Variants in TOMM70 observed in about 807,000 individuals in gnomAD.
TOMM70 encodes mitochondrial import receptor subunit TOM70.
TOMM70 carries 13 observed loss-of-function variants against 73.6 expected under a neutral mutation model. The ratio of observed to expected loss-of-function variants is 0.18; its 90% confidence interval spans 0.11 to 0.28. The LOEUF (loss-of-function observed/expected upper bound fraction) is 0.28. Among genes scored for constraint, TOMM70 ranks in the 10% least tolerant of loss-of-function variants. TOMM70 has a pLI of 1.00. For missense variants in TOMM70, 609 were observed against 747.5 expected (o/e 0.81, Z 2.16); for synonymous variants, 257 against 271.2 (o/e 0.95, Z 0.51).
chr3:100,372,475 G>T, intron 9 of TOMM70, 131 bp downstream of exon 9: 1 of 685,450 alleles, frequency 1.5e-6, no homozygotes, highest in Non-Finnish European at 2.5e-6. Context: ...CAGGGGCCAT[G>T]AGAATCAATC....
At chr3:100,368,912 GA>G (rs1483263281) in intron 10 of TOMM70, 125 bp downstream of exon 10, 1 of 651,454 alleles carries the variant, frequency 1.5e-6, no homozygotes, top group East Asian at 2.7e-5. Context: ...AGACATCTAG[GA>G]GCATTAAGAA....
chr3:100,396,313 G>C (rs1706825199), intron 1 of TOMM70, among the ~76,000 whole-genome samples: 1 of 152,050 alleles, frequency 6.6e-6, no homozygotes, highest in Non-Finnish European at 1.5e-5. Context: ...ACTGTAGTAG[G>C]CTGGCTTAGA....
At chr3:100,383,691 C>G (rs1017984599) in intron 4 of TOMM70, among the ~76,000 whole-genome samples, 6 of 152,216 alleles carry the variant, frequency 3.9e-5, no homozygotes, top group Non-Finnish European at 8.8e-5. Context: ...ATTAAAAATA[C>G]AGATTACTAA....
intron 11 of TOMM70, among the ~76,000 whole-genome samples, chr3:100,366,256 G>C (rs1360565710): frequency 6.6e-6 from 1 of 152,170 alleles, no homozygotes; most frequent in African/African-American, 2.4e-5. Flanking sequence ...GGCAGTCTAT[G>C]TGAGTTCCTC....
chr3:100,366,922 A>G (rs1706452802), intron 11 of TOMM70, among the ~76,000 whole-genome samples: 1 of 152,252 alleles, frequency 6.6e-6, no homozygotes, highest in African/African-American at 2.4e-5. Context: ...CAAATTAGCA[A>G]TTAAGAAATA....
intron 1 of TOMM70, among the ~76,000 whole-genome samples, chr3:100,390,511 T>C (rs987305003): frequency 6.6e-6 from 1 of 152,176 alleles, no homozygotes; most frequent in Non-Finnish European, 1.5e-5. Context: ...AAACCTACTA[T>C]GCTGTTAGAT....
intron 9 of TOMM70, among the ~76,000 whole-genome samples, chr3:100,369,990 G>A (rs539224845): frequency 1.3e-5 from 2 of 151,882 alleles, no homozygotes; most frequent in East Asian, 1.9e-4. Context: ...AGTTAACCCC[G>A]GTTATTTATA....
chr3:100,373,967 C>G (rs1488127319), intron 7 of TOMM70, among the ~76,000 whole-genome samples: 1 of 152,168 alleles, frequency 6.6e-6, no homozygotes, highest in East Asian at 1.9e-4. Flanking sequence ...GGTTAGACAT[C>G]AGATAATTAC....
At chr3:100,377,961 A>T (rs771216467) in intron 5 of TOMM70, 49 bp from the exon 6 acceptor site, 3 of 1,547,840 alleles carry the variant, frequency 1.9e-6, no homozygotes, top group Admixed American at 1.7e-5. Context: ...AAAAAATTAA[A>T]TGTGGCTGGG....
intron 1 of TOMM70, among the ~76,000 whole-genome samples, chr3:100,392,716 C>G (rs1706776809): frequency 1.3e-5 from 2 of 151,998 alleles, no homozygotes; most frequent in Non-Finnish European, 2.9e-5. Flanking sequence ...CTGTGCCCAG[C>G]CTGGAGATTT....
At chr3:100,376,247 G>A (rs1184329899) in intron 6 of TOMM70, among the ~76,000 whole-genome samples, 1 of 151,726 alleles carries the variant, frequency 6.6e-6, no homozygotes, top group Non-Finnish European at 1.5e-5. Context: ...TCTTTTTATT[G>A]TTGAGCTCTA....
At chr3:100,388,218 T>C (rs1706716063) in intron 1 of TOMM70, among the ~76,000 whole-genome samples, 1 of 152,200 alleles carries the variant, frequency 6.6e-6, no homozygotes, top group Admixed American at 6.5e-5. Flanking sequence ...GCTACAGGAC[T>C]GACAGAGAAA....
chr3:100,394,891 G>A (rs1329702940), intron 1 of TOMM70, among the ~76,000 whole-genome samples: 1 of 152,054 alleles, frequency 6.6e-6, no homozygotes, highest in Non-Finnish European at 1.5e-5. Flanking sequence ...TAAAACCTAA[G>A]ATAATAAAAA....
intron 7 of TOMM70, 198 bp from the exon 8 acceptor site, chr3:100,373,843 C>T (rs1390684520): frequency 2.3e-6 from 1 of 435,710 alleles, no homozygotes; most frequent in African/African-American, 2.1e-5. Context: ...TGGTATCCAA[C>T]TTATAGAAAG....
At chr3:100,370,588 C>G (rs916177052) in intron 9 of TOMM70, among the ~76,000 whole-genome samples, 2 of 152,086 alleles carry the variant, frequency 1.3e-5, no homozygotes, top group African/African-American at 4.8e-5. Context: ...TGTAACTTTG[C>G]GAGTTGGCCA....
Position 100,364,873 on chromosome 3 carries a change from A to G in TOMM70, c.*691T>C, listed in dbSNP as rs1194534073. On this transcript the variant is annotated 3_prime_UTR_variant, in exon 12 of 12. Transcript: ENST00000284320. ...ATCAATACTCAGTCTTCCAACACAT[A>G]TATCAATTAGAATATTTTGCATCTG... 1 of 152,176 alleles carries G rather than the reference A, an allele frequency of 6.6e-6. No individual in the cohort carries two copies. The highest frequency in any genetic ancestry group is 1.5e-5 in the Non-Finnish European group (1 of 68,044). The allele number at this position is 152,176 out of a possible 1,614,324, so 9.4% of individuals were successfully genotyped here. A position where few individuals can be genotyped will look rare whatever the true frequency, so the allele number is the denominator to read the frequency against.
chr3:100,378,825 T>C (rs1021835958), intron 5 of TOMM70, among the ~76,000 whole-genome samples: 6 of 152,002 alleles, frequency 3.9e-5, no homozygotes, highest in Admixed American at 3.3e-4. Flanking sequence ...GCAAACATGG[T>C]GAAACCCCAT....
Position 100,400,886 on chromosome 3 carries a change from C to A in TOMM70, c.64G>T (p.Gly22Trp), listed in dbSNP as rs979810598. 2.6e-6 allele frequency: 4 copies of A among 1,530,380 alleles called. No homozygotes were observed. The Admixed American group carries it at 5.9e-5, about 23-fold the overall frequency. 94.8% of individuals were successfully genotyped at this position (1,530,380 alleles called of 1,614,324 possible). ...CCCGCAGTCCCGCCGCCGCCCACCC[C>A]ACTCCCGGAGCTCGGTACAGCGGCT... ...VAAAVPSSGS[G>W]VGGGGTAGPG... The change falls in exon 1 of 12, where the codon GGG becomes TGG. Residue 22 changes from glycine (G) to tryptophan (W), a missense_variant. Gly to Trp is a radical substitution (Grantham distance 184, BLOSUM62 -2). Coordinates refer to ENST00000284320, the MANE Select transcript of TOMM70 (RefSeq NM_014820.5).
Position 100,377,850 on chromosome 3 carries a change from T to G in TOMM70, c.947A>C (p.Glu316Ala). 1 of 1,614,216 alleles carries G rather than the reference T, an allele frequency of 6.2e-7. No individual in the cohort carries two copies. Among genetic ancestry groups the G allele is most frequent in the Non-Finnish European group, 8.5e-7 (1 of 1,180,040 alleles). The change falls in exon 6 of 12, where the codon GAA becomes GCA. Residue 316 changes from glutamate (E) to alanine (A), a missense_variant. Around this residue, in one of 2 missense-constraint regions of TOMM70, gnomAD observed 432 missense variants for 584.1 expected, o/e 0.74. Transcript: ENST00000284320. Reference protein sequence around the residue: ...EEENYDKIISECSKEIDAEGK... With the variant: ...EEENYDKIISACSKEIDAEGK... ...TTCAGCATCTATTTCTTTTGAGCAT[T>G]CACTTATGATTTTATCGTAGTTTTC...
Sources: allele counts gnomAD v4.1 joint callset (sites outside exome capture counted in the v4.1 genomes callset), GRCh38; gene constraint gnomAD v4.1.1; regional missense constraint gnomAD v4.1.1; transcripts MANE v1.5; gene names NCBI Gene and HGNC (gene_info 2026-07-23, HGNC 2026-07-21).